RAB27B: variants seen among roughly 807,000 people sequenced by gnomAD.
RAB27B encodes the protein ras-related protein Rab-27B.
RAB27B carries 15 observed loss-of-function variants against 24.6 expected under a neutral mutation model. The observed-to-expected ratio is 0.61, with a 90% CI of 0.41 to 0.94. RAB27B has a LOEUF of 0.94. Among genes scored for constraint, RAB27B ranks in the 40% least tolerant of loss-of-function variants. The probability of loss-of-function intolerance (pLI) is 0.00; values close to 1 mark genes in which losing one functional copy is unlikely to be tolerated. For synonymous variants in RAB27B, 105 were observed against 92.5 expected, an observed-to-expected ratio of 1.14 and a Z score of -0.78; for missense variants, 261 against 266.8, an observed-to-expected ratio of 0.98 and a Z score of 0.15.
chr18:54,724,299 A>C (rs1909459835), intron 2 of RAB27B, among the ~76,000 whole-genome samples: 1 of 151,646 alleles, frequency 6.6e-6, no homozygotes, highest in South Asian at 2.1e-4. Flanking sequence ...CAGTAAACTC[A>C]ATGTGAGTGG....
Position 54,738,358 on chromosome 18 carries a change from G to C in RAB27B, c.-20+20217G>C, listed in dbSNP as rs576464499. 2.5e-4 allele frequency among the ~76,000 whole-genome samples: 38 copies of C among 152,254 alleles called. 1 individual carries two copies. In the South Asian group the frequency reaches 7.0e-3, roughly 28 times the overall value. On this transcript the variant is annotated intron_variant, in intron 2 of 4. Coordinates refer to the RAB27B transcript ENST00000586570. The stretch of plus-strand genomic sequence containing the variant: ...CATAATCCCCATGTATTGAGGGAGG[G>C]ATCTGGTGGGAGGTGACTGGATCAT...
chr18:54,863,266 T>C (rs1166273746), intron 1 of RAB27B, among the ~76,000 whole-genome samples: 1 of 152,224 alleles, frequency 6.6e-6, no homozygotes, highest in Non-Finnish European at 1.5e-5. Flanking sequence ...TTTTCTATTA[T>C]CATTTGAATT....
At chr18:54,755,493 A>G (rs1479167870) in intron 2 of RAB27B, among the ~76,000 whole-genome samples, 1 of 152,222 alleles carries the variant, frequency 6.6e-6, no homozygotes, top group Non-Finnish European at 1.5e-5. Flanking sequence ...GAGAGTCTCT[A>G]GAATTCTTCT....
At chr18:54,778,782 T>G (rs1262383169) in intron 2 of RAB27B, among the ~76,000 whole-genome samples, 1 of 152,172 alleles carries the variant, frequency 6.6e-6, no homozygotes, top group Non-Finnish European at 1.5e-5. Context: ...CTCTCTGCTT[T>G]GTTCAGCCTA....
At chr18:54,731,391 C>T (rs891681864) in intron 2 of RAB27B, among the ~76,000 whole-genome samples, 2 of 152,192 alleles carry the variant, frequency 1.3e-5, no homozygotes, top group Admixed American at 6.5e-5. Flanking sequence ...TTGAACAACA[C>T]AATTTAAATC....
chr18:54,727,068 C>T (rs1909561818), intron 2 of RAB27B, among the ~76,000 whole-genome samples: 3 of 152,162 alleles, frequency 2.0e-5, no homozygotes, highest in Non-Finnish European at 2.9e-5. Flanking sequence ...CTGCAACCTC[C>T]GCCTCCCGGG....
At chr18:54,873,695 GT>G (rs1912571181) in intron 1 of RAB27B, among the ~76,000 whole-genome samples, 1 of 109,384 alleles carries the variant, frequency 9.1e-6, no homozygotes, top group African/African-American at 3.2e-5. Flanking sequence ...CTGTGTGTGT[GT>G]GTGTGTGTGT....
intron 1 of RAB27B, among the ~76,000 whole-genome samples, chr18:54,870,358 T>C (rs1912412760): frequency 6.6e-6 from 1 of 152,106 alleles, no homozygotes; most frequent in African/African-American, 2.4e-5. Flanking sequence ...AGGAAGAAAG[T>C]GCAATTGACA....
intron 2 of RAB27B, among the ~76,000 whole-genome samples, chr18:54,742,297 A>G (rs1171644882): frequency 6.6e-6 from 1 of 152,180 alleles, no homozygotes; most frequent in Non-Finnish European, 1.5e-5. Flanking sequence ...TACAGTGTTG[A>G]AGTCATTATC....
At chr18:54,856,243 G>A (rs764713583) in intron 1 of RAB27B, among the ~76,000 whole-genome samples, 3 of 152,204 alleles carry the variant, frequency 2.0e-5, no homozygotes, top group Admixed American at 6.5e-5. Flanking sequence ...GCTTATGAAA[G>A]TCGGGGAGGA....
chr18:54,815,298 G>C (rs1910087826), intron 2 of RAB27B, among the ~76,000 whole-genome samples: 1 of 152,174 alleles, frequency 6.6e-6, no homozygotes, highest in African/African-American at 2.4e-5. Flanking sequence ...ACAACTTGCA[G>C]AGGATCCTCC....
chr18:54,861,299 C>CT (rs1392948707), intron 1 of RAB27B, among the ~76,000 whole-genome samples: 1 of 152,198 alleles, frequency 6.6e-6, no homozygotes, highest in Admixed American at 6.5e-5. Flanking sequence ...AAAACCAAAT[C>CT]TTTTTCTTTA....
intron 2 of RAB27B, among the ~76,000 whole-genome samples, chr18:54,728,234 C>T (rs939285586): frequency 1.3e-5 from 2 of 152,154 alleles, no homozygotes; most frequent in African/African-American, 2.4e-5. Flanking sequence ...GGGGAGGCTA[C>T]AGAAAAGCCT....
rs552207067 is a variant in RAB27B at position 54,789,655 on chromosome 18, G to A, written c.-20+71514G>A. ...AAGATGTTGCAAATGACTACTGTTA[G>A]GAAAAAAAACAATATGATGAGTGAC... is the stretch of plus-strand genomic sequence containing the variant. On this transcript the variant is annotated intron_variant, in intron 2 of 4. Transcript: ENST00000586570. 7.5e-4 allele frequency among the ~76,000 whole-genome samples: 114 copies of A among 151,416 alleles called. 1 individual carries two copies. Among genetic ancestry groups the A allele is most frequent in the African/African-American group, 2.7e-3 (113 of 41,340 alleles).
chr18:54,857,823 T>A (rs538994190), intron 1 of RAB27B, among the ~76,000 whole-genome samples: 1 of 152,320 alleles, frequency 6.6e-6, no homozygotes, highest in African/African-American at 2.4e-5. Context: ...CAGAAAAAAA[T>A]GTTGCAGCTT....
chr18:54,809,456 T>G (rs1909895214), intron 2 of RAB27B, among the ~76,000 whole-genome samples: 1 of 152,152 alleles, frequency 6.6e-6, no homozygotes, highest in Admixed American at 6.5e-5. Flanking sequence ...GGGACAGACT[T>G]GAACTCAACC....
intron 2 of RAB27B, among the ~76,000 whole-genome samples, chr18:54,725,682 A>G (rs1909513854): frequency 6.6e-6 from 1 of 151,466 alleles, no homozygotes; most frequent in Admixed American, 6.6e-5. Flanking sequence ...TGAAGGGGAA[A>G]GCCCCTTATA....
At chr18:54,761,426 A>G (rs146066433) in intron 2 of RAB27B, among the ~76,000 whole-genome samples, 18 of 152,342 alleles carry the variant, frequency 1.2e-4, no homozygotes, top group Middle Eastern at 3.4e-3. Context: ...TTTATCTTCA[A>G]AACTTTGCTC....
chr18:54,787,639 G>A (rs943153700), intron 2 of RAB27B, among the ~76,000 whole-genome samples: 1 of 151,386 alleles, frequency 6.6e-6, no homozygotes, highest in African/African-American at 2.4e-5. Context: ...AGTAATAGCA[G>A]TAATGGCATC....
Sources: allele counts gnomAD v4.1 joint callset (sites outside exome capture counted in the v4.1 genomes callset), GRCh38; gene constraint gnomAD v4.1.1; transcripts MANE v1.5; gene names NCBI Gene and HGNC (gene_info 2026-07-23, HGNC 2026-07-21).